SLC16A12: variants seen among roughly 807,000 people sequenced by gnomAD.
SLC16A12 encodes the protein monocarboxylate transporter 12.
In SLC16A12, 17 loss-of-function variants were observed where a neutral mutation model predicts 42.4. That is an observed-to-expected ratio of 0.40 (90% confidence interval 0.27 to 0.60). The LOEUF (loss-of-function observed/expected upper bound fraction) is 0.60, where lower values mean the gene tolerates loss of function less well. SLC16A12 is among the 20% of genes least tolerant of loss of function. SLC16A12 has a pLI of 0.42. For missense variants in SLC16A12, 544 were observed against 623.0 expected, an observed-to-expected ratio of 0.87 and a Z score of 1.35; for synonymous variants, 224 against 229.4, an observed-to-expected ratio of 0.98 and a Z score of 0.21.
intron 2 of SLC16A12, among the ~76,000 whole-genome samples, chr10:89,507,035 T>C (rs374453654): frequency 8.2e-5 from 12 of 146,364 alleles, no homozygotes; most frequent in African/African-American, 3.0e-4. Flanking sequence ...GAAAAAAGAG[T>C]GAAAAGAAAT....
At chr10:89,508,767 C>A (rs932651198) in intron 2 of SLC16A12, among the ~76,000 whole-genome samples, 8 of 151,610 alleles carry the variant, frequency 5.3e-5, no homozygotes, top group African/African-American at 1.9e-4. Context: ...AAAAACCCTT[C>A]AAAAAAAATC....
At chr10:89,472,016 G>C (rs1842502561) in intron 2 of SLC16A12, among the ~76,000 whole-genome samples, 1 of 152,024 alleles carries the variant, frequency 6.6e-6, no homozygotes, top group Non-Finnish European at 1.5e-5. Flanking sequence ...ATATATTCTA[G>C]ATACAAGTTA....
At chr10:89,486,534 A>G (rs1842743083) in intron 2 of SLC16A12, among the ~76,000 whole-genome samples, 1 of 148,954 alleles carries the variant, frequency 6.7e-6, no homozygotes, top group South Asian at 2.2e-4. Flanking sequence ...CAAAATTACA[A>G]TGAGCTATTA....
intron 2 of SLC16A12, among the ~76,000 whole-genome samples, chr10:89,497,028 A>G (rs1231332362): frequency 6.6e-6 from 1 of 152,232 alleles, no homozygotes; most frequent in Non-Finnish European, 1.5e-5. Flanking sequence ...GTTTTAAAAC[A>G]CAATGAGAAA....
chr10:89,522,434 A>C (rs913391834), intron 2 of SLC16A12, among the ~76,000 whole-genome samples: 1 of 152,128 alleles, frequency 6.6e-6, no homozygotes, highest in Non-Finnish European at 1.5e-5. Context: ...CTCTGTTTCA[A>C]ACTACTAACC....
chr10:89,491,786 C>T (rs954663761), intron 2 of SLC16A12, among the ~76,000 whole-genome samples: 1 of 152,190 alleles, frequency 6.6e-6, no homozygotes, highest in African/African-American at 2.4e-5. Context: ...GCCATGGGAC[C>T]TGTCCACGTG....
At chr10:89,535,241 A>G (rs1589734272) in intron 1 of SLC16A12, among the ~76,000 whole-genome samples, 1 of 152,012 alleles carries the variant, frequency 6.6e-6, no homozygotes, top group East Asian at 1.9e-4. Context: ...CGCAGACCCA[A>G]CCCAGACAGG....
At chr10:89,493,481 C>A (rs928650544) in intron 2 of SLC16A12, among the ~76,000 whole-genome samples, 6 of 152,172 alleles carry the variant, frequency 3.9e-5, no homozygotes, top group African/African-American at 1.4e-4. Context: ...CTTTGGCCTC[C>A]CAAATGAATT....
intron 3 of SLC16A12, among the ~76,000 whole-genome samples, chr10:89,446,406 C>T (rs988271556): frequency 5.3e-5 from 8 of 152,242 alleles, no homozygotes; most frequent in African/African-American, 1.7e-4. Context: ...AACAGCAGAT[C>T]TCTTTGCAGA....
chr10:89,506,536 A>G (rs974592517), intron 2 of SLC16A12, among the ~76,000 whole-genome samples: 1 of 152,184 alleles, frequency 6.6e-6, no homozygotes, highest in Non-Finnish European at 1.5e-5. Context: ...CAACATCAAT[A>G]AAAAGGACAT....
intron 2 of SLC16A12, among the ~76,000 whole-genome samples, chr10:89,527,893 G>C (rs1211895014): frequency 6.6e-6 from 1 of 151,918 alleles, no homozygotes; most frequent in Admixed American, 6.6e-5. Flanking sequence ...TTCAGAATCT[G>C]TATCAGTCAC....
intron 3 of SLC16A12, among the ~76,000 whole-genome samples, chr10:89,456,878 A>G (rs1249332042): frequency 1.3e-5 from 2 of 152,060 alleles, no homozygotes; most frequent in Non-Finnish European, 2.9e-5. Flanking sequence ...AAAGGACATG[A>G]TCTTATTCCT....
intron 2 of SLC16A12, among the ~76,000 whole-genome samples, chr10:89,510,428 C>A (rs1843145597): frequency 6.6e-6 from 1 of 152,100 alleles, no homozygotes; most frequent in Non-Finnish European, 1.5e-5. Context: ...AGAAATAACA[C>A]CACACATCTA....
intron 2 of SLC16A12, chr10:89,463,150 C>T (rs1471313526): frequency 6.6e-6 from 1 of 152,546 alleles, no homozygotes; most frequent in East Asian, 1.9e-4. Flanking sequence ...GGACTCTACA[C>T]ATCTCTACAC....
intron 2 of SLC16A12, among the ~76,000 whole-genome samples, chr10:89,478,951 A>G (rs1254272331): frequency 2.0e-5 from 3 of 152,094 alleles, no homozygotes; most frequent in Admixed American, 1.3e-4. Context: ...CTCCCATCTT[A>G]ATTTTCCATT....
At chr10:89,449,223 C>G (rs1842052125) in intron 3 of SLC16A12, among the ~76,000 whole-genome samples, 1 of 152,192 alleles carries the variant, frequency 6.6e-6, no homozygotes, top group Non-Finnish European at 1.5e-5. Flanking sequence ...CATCAAGCTA[C>G]CAATGACTTT....
chr10:89,513,260 G>C (rs1274814389), intron 2 of SLC16A12, among the ~76,000 whole-genome samples: 2 of 152,094 alleles, frequency 1.3e-5, no homozygotes, highest in African/African-American at 2.4e-5. Flanking sequence ...GTTAATAAAT[G>C]TACTCTGTCT....
At chr10:89,533,639 T>C (rs1843595377) in intron 2 of SLC16A12, among the ~76,000 whole-genome samples, 1 of 152,126 alleles carries the variant, frequency 6.6e-6, no homozygotes, top group Admixed American at 6.5e-5. Flanking sequence ...CAAGGAAAGA[T>C]GGGGGTAGAG....
At chr10:89,434,804 C>T (rs143727456) in intron 7 of SLC16A12, among the ~76,000 whole-genome samples, 4 of 152,178 alleles carry the variant, frequency 2.6e-5, no homozygotes, top group Non-Finnish European at 4.4e-5. Context: ...ATATTTACCT[C>T]GCATGAGCAT....
Sources: allele counts gnomAD v4.1 joint callset (sites outside exome capture counted in the v4.1 genomes callset), GRCh38; gene constraint gnomAD v4.1.1; transcripts MANE v1.5; gene names NCBI Gene and HGNC (gene_info 2026-07-23, HGNC 2026-07-21).